Variants in TBC1D12 observed in about 807,000 individuals in gnomAD.
TBC1D12 encodes TBC1 domain family member 12.
A neutral mutation model predicts 86.7 loss-of-function variants in TBC1D12; 56 were observed. The ratio of observed to expected loss-of-function variants is 0.65; its 90% CI spans 0.52 to 0.81. TBC1D12 has a LOEUF of 0.81. TBC1D12 is among the 30% of genes least tolerant of loss of function. TBC1D12 has a pLI of 0.00. For missense variants in TBC1D12, 1,023 were observed against 1,038.8 expected (o/e 0.98, Z 0.21); for synonymous variants, 421 against 411.7 (o/e 1.02, Z -0.27).
At chr10:94,434,713 C>G (rs879267649) in intron 1 of TBC1D12, among the ~76,000 whole-genome samples, 9 of 151,968 alleles carry the variant, frequency 5.9e-5, no homozygotes, top group Non-Finnish European at 1.0e-4. Flanking sequence ...CGAGACCAGC[C>G]TGGGAAACAT....
intron 1 of TBC1D12, among the ~76,000 whole-genome samples, chr10:94,427,598 GA>G (rs1331082037): frequency 1.3e-5 from 2 of 152,124 alleles, no homozygotes; most frequent in African/African-American, 2.4e-5. Context: ...TTGGGAGGCC[GA>G]GGCAGGTGGA....
chr10:94,495,026 T>A, intron 4 of TBC1D12, among the ~76,000 whole-genome samples: 1 of 117,518 alleles, frequency 8.5e-6, no homozygotes, highest in East Asian at 4.3e-4. Context: ...CACACCCAGC[T>A]CTTTTTTTTT....
At chr10:94,424,228 AAG>A (rs1398611445) in intron 1 of TBC1D12, among the ~76,000 whole-genome samples, 2 of 152,202 alleles carry the variant, frequency 1.3e-5, no homozygotes, top group Admixed American at 1.3e-4. Flanking sequence ...TAGTTGTAGA[AAG>A]AGAGTAGTAG....
chr10:94,418,903 C>T (rs754874338), intron 1 of TBC1D12, among the ~76,000 whole-genome samples: 3 of 150,252 alleles, frequency 2.0e-5, no homozygotes, highest in African/African-American at 7.4e-5. Flanking sequence ...GAGGCAGAGT[C>T]TCGCTCTGTT....
chr10:94,480,848 G>T (rs959469877), intron 3 of TBC1D12, among the ~76,000 whole-genome samples: 10 of 151,026 alleles, frequency 6.6e-5, no homozygotes, highest in African/African-American at 2.4e-4. Flanking sequence ...CTGCACTCCA[G>T]CCTGGGCAAC....
At chr10:94,414,134 A>T (rs1431150067) in intron 1 of TBC1D12, among the ~76,000 whole-genome samples, 2 of 152,252 alleles carry the variant, frequency 1.3e-5, no homozygotes, top group East Asian at 3.8e-4. Context: ...TATAAAATAA[A>T]GCTAAAGATA....
rs1459794936 is a variant in TBC1D12, at chr10:94,511,612, T to C, written c.1719T>C (p.Ser573=). The change falls in exon 9 of 13, where the codon AGT becomes AGC. Residue 573 remains serine, a synonymous_variant. Coordinates refer to ENST00000225235, the MANE Select transcript of TBC1D12 (RefSeq NM_015188.2). ...GTCCATATCATGATGTCTTGCATAG[T>C]ATTTTAGGGGCATACACATGCTACA... ...KGGPYHDVLH[S]ILGAYTCYRP... The C allele has an allele frequency of 1.2e-6, 2 of 1,613,078 alleles. No homozygotes were observed. Among genetic ancestry groups the C allele is most frequent in the Admixed American group, 3.3e-5 (2 of 59,888 alleles).
chr10:94,460,786 T>C (rs2055716685), intron 2 of TBC1D12, among the ~76,000 whole-genome samples: 1 of 152,138 alleles, frequency 6.6e-6, no homozygotes, highest in African/African-American at 2.4e-5. Flanking sequence ...CCAGTCTTTT[T>C]TCTCTTTGCT....
At chr10:94,421,368 TA>T (rs1024283048) in intron 1 of TBC1D12, among the ~76,000 whole-genome samples, 2 of 152,252 alleles carry the variant, frequency 1.3e-5, no homozygotes, top group African/African-American at 4.8e-5. Context: ...TTTCCTAATT[TA>T]AAAATGCTGA....
intron 9 of TBC1D12, 65 bp from the exon 10 acceptor site, chr10:94,521,890 A>G (rs1842162780): frequency 2.2e-6 from 3 of 1,379,256 alleles, no homozygotes; most frequent in South Asian, 1.9e-5. Flanking sequence ...CAGGAGTACA[A>G]TAAAATAAAC....
Position 94,535,640 on chromosome 10 carries a change from C to CT in TBC1D12, c.*2548dup, listed in dbSNP as rs1842527802. On this transcript the variant is annotated 3_prime_UTR_variant, in exon 13 of 13. Coordinates refer to ENST00000225235, the MANE Select transcript of TBC1D12 (RefSeq NM_015188.2). ...TGGTCTTAGCAGGTTTTAGAATGAC[C>CT]TTTTAACTCCAGTAACTACTTCCTT... The CT allele has an allele frequency of 6.6e-6, 1 of 152,024 alleles. No individual in the cohort carries two copies. Among genetic ancestry groups the CT allele is most frequent in the Admixed American group, 6.6e-5 (1 of 15,262 alleles). The allele number at this position is 152,024 out of a possible 1,614,324, so 9.4% of individuals were successfully genotyped here.
At chr10:94,405,285 G>C (rs899482679) in intron 1 of TBC1D12, among the ~76,000 whole-genome samples, 1 of 151,964 alleles carries the variant, frequency 6.6e-6, no homozygotes, top group African/African-American at 2.4e-5. Flanking sequence ...TACAATTAGC[G>C]TACATATTGT....
In TBC1D12 at chr10:94,530,359, A is replaced by G. The variant is rs573357111; in HGVS notation, c.2001-843A>G. On this transcript the variant is annotated intron_variant, in intron 11 of 12. Coordinates refer to ENST00000225235, the MANE Select transcript of TBC1D12 (RefSeq NM_015188.2). ...AAGGTATACATGCTTCAAAAGAAGT[A>G]GTAAATAAAGCTGGGTGGAGGAAAA... Among the ~76,000 whole-genome samples, 12 of 152,312 alleles carry G rather than the reference A, an allele frequency of 7.9e-5. No homozygotes were observed. In the South Asian group the frequency reaches 2.5e-3, roughly 32 times the overall value.
At chr10:94,507,847 G>A (rs370982004) in intron 7 of TBC1D12, among the ~76,000 whole-genome samples, 14 of 152,186 alleles carry the variant, frequency 9.2e-5, no homozygotes, top group African/African-American at 2.6e-4. Context: ...TTAGCCGGGC[G>A]TGGTGGCAGG....
At chr10:94,478,879 C>T (rs752989576) in intron 3 of TBC1D12, among the ~76,000 whole-genome samples, 2 of 152,020 alleles carry the variant, frequency 1.3e-5, no homozygotes, top group African/African-American at 4.8e-5. Context: ...ATCGCTTGAA[C>T]ACGGAAGGTG....
chr10:94,512,352 A>G (rs2056537926), intron 9 of TBC1D12, among the ~76,000 whole-genome samples: 2 of 152,172 alleles, frequency 1.3e-5, no homozygotes, highest in Non-Finnish European at 2.9e-5. Flanking sequence ...GTGATGTTCA[A>G]TTGCCATTTT....
At chr10:94,451,939 GTA>G (rs1012595436) in intron 2 of TBC1D12, among the ~76,000 whole-genome samples, 8 of 151,832 alleles carry the variant, frequency 5.3e-5, no homozygotes, top group African/African-American at 1.9e-4. Flanking sequence ...TTATTAAGTT[GTA>G]TAAGTTAGTT....
At chr10:94,458,285 C>T (rs1328402894) in intron 2 of TBC1D12, among the ~76,000 whole-genome samples, 1 of 151,934 alleles carries the variant, frequency 6.6e-6, no homozygotes, top group Non-Finnish European at 1.5e-5. Flanking sequence ...CATGCTTAGC[C>T]CCTCACCGCA....
chr10:94,512,690 TA>T (rs146665701), intron 9 of TBC1D12, among the ~76,000 whole-genome samples: 4 of 152,244 alleles, frequency 2.6e-5, no homozygotes, highest in East Asian at 3.9e-4. Context: ...TGTGAGATGA[TA>T]AAGGGGGAAA....
Sources: allele counts gnomAD v4.1 joint callset (sites outside exome capture counted in the v4.1 genomes callset), GRCh38; gene constraint gnomAD v4.1.1; transcripts MANE v1.5; gene names NCBI Gene and HGNC (gene_info 2026-07-23, HGNC 2026-07-21).